The following PPP2R3A variants were observed in gnomAD, a reference collection of about 807,000 sequenced individuals.
The protein encoded by PPP2R3A is protein phosphatase 2 regulatory subunit B''alpha, also known as serine/threonine-protein phosphatase 2A regulatory subunit B'' subunit alpha.
In PPP2R3A, 80 loss-of-function variants were observed where a neutral mutation model predicts 106.9. That is an observed-to-expected ratio of 0.75 (90% CI 0.62 to 0.90). The LOEUF (loss-of-function observed/expected upper bound fraction) is 0.90, where lower values mean the gene tolerates loss of function less well. PPP2R3A is among the 40% of genes least tolerant of loss of function. PPP2R3A has a pLI of 0.00. For missense variants in PPP2R3A, 1,386 were observed against 1,350.4 expected, an observed-to-expected ratio of 1.03 and a Z score of -0.41; for synonymous variants, 483 against 468.3, an observed-to-expected ratio of 1.03 and a Z score of -0.41.
intron 5 of PPP2R3A, chr3:136,055,873 G>T (rs1935843290): frequency 4.6e-6 from 2 of 430,880 alleles, no homozygotes; most frequent in Admixed American, 3.7e-5. Context: ...TCTTAAAGAG[G>T]GGAGCGTAAA....
intron 2 of PPP2R3A, among the ~76,000 whole-genome samples, chr3:136,020,880 C>T (rs1523597): frequency 0.25 from 38,533 of 151,926 alleles, 5,345 homozygotes; most frequent in Non-Finnish European, 0.32. Flanking sequence ...AGAGACGTTA[C>T]ATAGTATTTC....
chr3:136,110,793 T>TAGGA (rs1937580892), intron 13 of PPP2R3A, among the ~76,000 whole-genome samples: 1 of 152,212 alleles, frequency 6.6e-6, no homozygotes, highest in African/African-American at 2.4e-5. Context: ...TCACAGGCTG[T>TAGGA]ACCAAAGCAG....
chr3:135,985,585 C>T (rs1209210133), intron 1 of PPP2R3A, among the ~76,000 whole-genome samples: 2 of 152,224 alleles, frequency 1.3e-5, no homozygotes, highest in African/African-American at 2.4e-5. Context: ...AATGTATAAC[C>T]GTTCCTTTGA....
chr3:136,016,981 T>G (rs979094645), intron 2 of PPP2R3A, among the ~76,000 whole-genome samples: 20 of 152,358 alleles, frequency 1.3e-4, no homozygotes, highest in African/African-American at 4.8e-4. Context: ...GATTTAGAAC[T>G]TGTTTTAGCA....
intron 2 of PPP2R3A, among the ~76,000 whole-genome samples, chr3:136,011,707 G>T (rs968197518): frequency 6.6e-6 from 1 of 152,112 alleles, no homozygotes; most frequent in African/African-American, 2.4e-5. Flanking sequence ...AGAGATCTTT[G>T]AATCAGTCAT....
At chr3:136,085,356 G>T (rs548887673) in intron 8 of PPP2R3A, among the ~76,000 whole-genome samples, 34 of 152,258 alleles carry the variant, frequency 2.2e-4, no homozygotes, top group African/African-American at 7.9e-4. Context: ...CACCATGATT[G>T]TGAGGCCTCC....
Position 136,146,763 on chromosome 3 carries a change from AATT to A in PPP2R3A, c.*1602_*1604del, listed in dbSNP as rs982519564. 8 of 152,130 alleles carry A rather than the reference AATT, an allele frequency of 5.3e-5. No homozygotes were observed. The highest frequency in any genetic ancestry group is 1.9e-4 in the East Asian group (1 of 5,196). 9.4% of individuals were successfully genotyped at this position (152,130 alleles called of 1,614,324 possible). On this transcript the variant is annotated 3_prime_UTR_variant, in exon 14 of 14. Coordinates refer to ENST00000264977, the MANE Select transcript of PPP2R3A (RefSeq NM_002718.5). ...TATTCAAAATCTAAACACACTGATA[AATT>A]ATTAAGATTAAGATTATTTATGTGA...
chr3:135,983,371 A>T (rs1009869486), intron 1 of PPP2R3A, among the ~76,000 whole-genome samples: 3 of 152,312 alleles, frequency 2.0e-5, no homozygotes, highest in Admixed American at 1.3e-4. Flanking sequence ...TTTCTGACTC[A>T]TCTGCGTCTG....
intron 13 of PPP2R3A, among the ~76,000 whole-genome samples, chr3:136,119,178 CTG>C (rs1937896851): frequency 6.6e-6 from 1 of 152,150 alleles, no homozygotes; most frequent in African/African-American, 2.4e-5. Flanking sequence ...ATGCAGAAAA[CTG>C]AAACTGGATC....
intron 6 of PPP2R3A, among the ~76,000 whole-genome samples, chr3:136,078,028 C>T (rs1052176722): frequency 1.3e-5 from 2 of 152,158 alleles, no homozygotes; most frequent in African/African-American, 4.8e-5. Flanking sequence ...CTTCCCACCT[C>T]ATATGCCTTC....
At chr3:136,077,398 C>G (rs1403763) in intron 6 of PPP2R3A, among the ~76,000 whole-genome samples, 29,665 of 152,004 alleles carry the variant, frequency 0.2, 3,324 homozygotes, top group Non-Finnish European at 0.26. Flanking sequence ...CTTCTCGCAC[C>G]AAAATATCTT....
At chr3:136,130,010 T>A (rs1486586424) in intron 13 of PPP2R3A, among the ~76,000 whole-genome samples, 3 of 152,076 alleles carry the variant, frequency 2.0e-5, no homozygotes, top group Non-Finnish European at 2.9e-5. Flanking sequence ...TGATGGAACA[T>A]AATCTCAAAA....
intron 10 of PPP2R3A, among the ~76,000 whole-genome samples, chr3:136,091,744 G>A (rs1328423352): frequency 1.3e-5 from 2 of 151,926 alleles, no homozygotes; most frequent in Admixed American, 6.6e-5. Flanking sequence ...AATTTATTTA[G>A]AAAACATGAA....
At chr3:136,020,919 A>G (rs1934444461) in intron 2 of PPP2R3A, among the ~76,000 whole-genome samples, 1 of 152,108 alleles carries the variant, frequency 6.6e-6, no homozygotes, top group African/African-American at 2.4e-5. Context: ...AAAGTTAAGA[A>G]TTACAGTAAG....
chr3:136,069,503 G>A (rs1455991073), intron 5 of PPP2R3A, among the ~76,000 whole-genome samples: 1 of 152,162 alleles, frequency 6.6e-6, no homozygotes, highest in Non-Finnish European at 1.5e-5. Context: ...CTTGAACTTG[G>A]AGAGGCAGAG....
At chr3:136,078,134 G>A (rs906083110) in intron 6 of PPP2R3A, among the ~76,000 whole-genome samples, 6 of 152,224 alleles carry the variant, frequency 3.9e-5, no homozygotes, top group African/African-American at 1.2e-4. Flanking sequence ...GTTGGGAAGT[G>A]AAGACTTGTG....
intron 1 of PPP2R3A, among the ~76,000 whole-genome samples, chr3:135,979,287 A>C (rs7641070): frequency 1.3e-5 from 2 of 151,368 alleles, no homozygotes; most frequent in East Asian, 3.9e-4. Flanking sequence ...GCTGAGGTAG[A>C]AGAATCACTT....
intron 4 of PPP2R3A, among the ~76,000 whole-genome samples, chr3:136,041,263 T>TTTTTTTTTTTTG (rs1935274447): frequency 2.7e-5 from 2 of 75,392 alleles, no homozygotes; most frequent in African/African-American, 8.7e-5. Context: ...TTTTTTTTTG[T>TTTTTTTTTTTTG]TTTTTTTTTT....
At position 136,002,573 on chromosome 3, in the gene PPP2R3A, A is replaced by C. The variant is rs749952272; in HGVS notation, c.1075A>C (p.Asn359His). 8.7e-6 allele frequency: 14 copies of C among 1,613,838 alleles called. No individual in the cohort carries two copies. The South Asian group carries it at 1.4e-4, about 16-fold the overall frequency. ...QTIELQNDKP[N>H]SRKMDTVQSI... Reference sequence around the variant, plus strand: ...TATTGAATTGCAAAATGACAAGCCTAATTCTAGGAAGATGGACACTGTACA... The same window carrying C: ...TATTGAATTGCAAAATGACAAGCCTCATTCTAGGAAGATGGACACTGTACA... Residue 359 changes from asparagine to histidine, a missense_variant, in exon 2 of 14, where the codon AAT becomes CAT. By Grantham distance (68) the Asn-to-His change is moderately conservative (BLOSUM62 1). Transcript: ENST00000264977.
Sources: allele counts gnomAD v4.1 joint callset (sites outside exome capture counted in the v4.1 genomes callset), GRCh38; gene constraint gnomAD v4.1.1; transcripts MANE v1.5; gene names NCBI Gene and HGNC (gene_info 2026-07-23, HGNC 2026-07-21).